The following EME2 variants were observed in gnomAD, a reference collection of about 807,000 sequenced individuals.
The protein encoded by EME2 is essential meiotic structure-specific endonuclease subunit 2, also known as structure-specific endonuclease subunit EME2.
A neutral mutation model predicts 41.9 loss-of-function variants in EME2; 58 were observed. The observed-to-expected ratio is 1.38, with a 90% CI of 1.12 to 1.72. The LOEUF (loss-of-function observed/expected upper bound fraction) is 1.72, where lower values mean the gene tolerates loss of function less well. Ranked by LOEUF, EME2 falls within the 40% of genes most tolerant of loss-of-function variation. The pLI is 0.00. For synonymous variants in EME2, 334 were observed against 239.3 expected (o/e 1.40, Z -3.65); for missense variants, 695 against 541.9 (o/e 1.28, Z -2.81).
In EME2 at chr16:1,775,804, C is replaced by G. The variant is rs372118667; in HGVS notation, c.787C>G (p.Arg263Gly). Residue 263 changes from arginine to glycine, a missense_variant, in exon 7 of 8, where the codon CGG becomes GGG. Coordinates refer to ENST00000568449, the MANE Select transcript of EME2 (RefSeq NM_001257370.2). ...ALAQYPLKQY[R>G]ESQAFSFCTA... ...GCTTCTCTCTGTCCCCAGGCAGTAC[C>G]GGGAATCCCAGGCCTTCTCCTTCTG... The G allele has an allele frequency of 9.9e-6, 16 of 1,612,370 alleles. No homozygotes were observed. Among genetic ancestry groups the G allele is most frequent in the Admixed American group, 1.7e-5 (1 of 59,994 alleles).
rs766487340 is a variant in EME2 at position 1,778,308 on chromosome 16, G to A, written c.*2070G>A. 1.9e-6 allele frequency: 3 copies of A among 1,612,344 alleles called. No individual in the cohort carries two copies. In the East Asian group the frequency reaches 6.7e-5, roughly 36 times the overall value. ...CTGATGACTTATTTAAGTCATCCCA[G>A]ACCCAGTCGAAATCTGCAAGAGAGG... is the stretch of plus-strand genomic sequence containing the variant. On this transcript the variant is annotated 3_prime_UTR_variant, in exon 8 of 8. Transcript: ENST00000568449.
chr16:1,778,164 CTT>C lies in EME2; in HGVS notation c.*1927_*1928del, dbSNP rs768381046. 2 of 1,612,776 alleles carry C rather than the reference CTT, an allele frequency of 1.2e-6. No individual in the cohort carries two copies. Among genetic ancestry groups the C allele is most frequent in the Non-Finnish European group, 1.7e-6 (2 of 1,179,762 alleles). On this transcript the variant is annotated 3_prime_UTR_variant, in exon 8 of 8. Coordinates refer to ENST00000568449, the MANE Select transcript of EME2 (RefSeq NM_001257370.2). ...CGGTGCCGTAGACGGGAGAGGTCAT[CTT>C]GATCTCCCAGAAGTGCTGGCCCTCC...
Position 1,773,397 on chromosome 16 carries a change from G to C in EME2, c.170G>C (p.Arg57Pro), listed in dbSNP as rs755072652. The C allele has an allele frequency of 6.4e-7, 1 of 1,561,566 alleles. No individual in the cohort carries two copies. The highest frequency in any genetic ancestry group is 8.6e-7 in the Non-Finnish European group (1 of 1,163,010). ...AGAGCCCGGGACCCAGCGGGTGAGC[G>C]CAGGGCGGCTGCCGAGGCGTTGCGG... ...AARARDPAGE[R>P]RAAAEALRLL... The change falls in exon 1 of 8, where the codon CGC (arginine) becomes CCC (proline). Residue 57 changes from arginine (R) to proline (P), a missense_variant. Coordinates refer to ENST00000568449, the MANE Select transcript of EME2 (RefSeq NM_001257370.2).
In EME2 at chr16:1,775,040, G is replaced by T. The variant is rs759904850; in HGVS notation, c.478-1G>T. The T allele has an allele frequency of 6.2e-7, 1 of 1,608,246 alleles. No homozygotes were observed. Among genetic ancestry groups the T allele is most frequent in the Non-Finnish European group, 8.5e-7 (1 of 1,179,278 alleles). On this transcript the variant is annotated splice_acceptor_variant, in intron 3 of 7. Transcript: ENST00000568449. LOFTEE classifies it high-confidence loss of function. Reference sequence around the variant, plus strand: ...ACTGTGCCACACGTTCTCATCTTCAGATCTCTGGCCCAACCCACTGGGTGC... The same window carrying T: ...ACTGTGCCACACGTTCTCATCTTCATATCTCTGGCCCAACCCACTGGGTGC...
chr16:1,777,177 C>T lies in EME2; in HGVS notation c.*939C>T, dbSNP rs376832134. On this transcript the variant is annotated 3_prime_UTR_variant, in exon 8 of 8. Coordinates refer to ENST00000568449, the MANE Select transcript of EME2 (RefSeq NM_001257370.2). ...TGGGCGGAGGTCGCTGCCTGGGGAT[C>T]GGACACTGGAGCCTTGCGGCGGCTG... The T allele has an allele frequency of 1.6e-5, 25 of 1,610,746 alleles. 1 individual carries two copies. The Admixed American group carries it at 1.7e-4, about 11-fold the overall frequency.
In EME2 at chr16:1,776,416, G is replaced by GGAA. The variant is rs1214383737; in HGVS notation, c.*178_*179insGAA. ...CAGGGGAAGTTTTAGGTAGCTGGGA[G>GGAA]AAGAGGGGCTTCTGGCTGGCAGATG... On this transcript the variant is annotated 3_prime_UTR_variant, in exon 8 of 8. Coordinates refer to ENST00000568449, the MANE Select transcript of EME2 (RefSeq NM_001257370.2). The GGAA allele has an allele frequency of 1.7e-5, 10 of 600,006 alleles. No homozygotes were observed. The East Asian group carries it at 2.6e-4, about 16-fold the overall frequency. The allele number at this position is 600,006 out of a possible 1,614,324, so 37.2% of individuals were successfully genotyped here. A position where few individuals can be genotyped will look rare whatever the true frequency, so the allele number is the denominator to read the frequency against.
Position 1,775,323 on chromosome 16 carries a change from AG to A in EME2, c.579del (p.Gln193HisfsTer51). 1.2e-6 allele frequency: 2 copies of A among 1,610,258 alleles called. No individual in the cohort carries two copies. Among genetic ancestry groups the A allele is most frequent in the Non-Finnish European group, 1.7e-6 (2 of 1,179,988 alleles). On this transcript the variant is annotated frameshift_variant, in exon 5 of 8. Coordinates refer to ENST00000568449, the MANE Select transcript of EME2 (RefSeq NM_001257370.2). LOFTEE classifies it high-confidence loss of function. ...IGLDAYLWSR[Q>X]HVSRGTQQPE... is the part of the protein sequence containing the mutation. ...TGGTCACCTCTGCTCAGGTCTCGCC[AG>A]CACGTTTCCCGGGGGACACAGCAGC...
Position 1,777,547 on chromosome 16 carries a change from A to C in EME2, c.*1309A>C. ...ACAGTCACCCGGGTGGGCAGCTGGC[A>C]CAGCTGAGGCAAGGCAGGGTGCACG... On this transcript the variant is annotated 3_prime_UTR_variant, in exon 8 of 8. Transcript: ENST00000568449. 1 of 1,364,294 alleles carries C rather than the reference A, an allele frequency of 7.3e-7. No homozygotes were observed. The highest frequency in any genetic ancestry group is 2.7e-5 in the Admixed American group (1 of 37,396). 84.5% of individuals were successfully genotyped at this position (1,364,294 alleles called of 1,614,324 possible). A position where few individuals can be genotyped will look rare whatever the true frequency, so the allele number is the denominator to read the frequency against.
Position 1,778,494 on chromosome 16 carries a change from CAGA to C in EME2, c.*2259_*2261del, listed in dbSNP as rs1567230395. The C allele has an allele frequency of 3.1e-6, 5 of 1,612,042 alleles. No individual in the cohort carries two copies. The highest frequency in any genetic ancestry group is 1.7e-5 in the Admixed American group (1 of 59,990). On this transcript the variant is annotated 3_prime_UTR_variant, in exon 8 of 8. Transcript: ENST00000568449. ...CCGGTGGGCCGAGTGCAGGCTGCTA[CAGA>C]AGGAGGCCTCGCTCTGCCCAGCACA...
chr16:1,779,069 C>G lies in EME2; in HGVS notation c.*2831C>G, dbSNP rs924086375. 6.3e-6 allele frequency: 1 copy of G among 159,742 alleles called. No homozygotes were observed. The highest frequency in any genetic ancestry group is 1.4e-5 in the Non-Finnish European group (1 of 73,416). The allele number at this position is 159,742 out of a possible 1,614,324, so 9.9% of individuals were successfully genotyped here. On this transcript the variant is annotated 3_prime_UTR_variant, in exon 8 of 8. Transcript: ENST00000568449. ...CCCAACGACCTTCCTGTTACCTGAGCAGACCTGGCTCACCACAGGGTCCTA... is the reference window on the plus strand; with the variant it reads ...CCCAACGACCTTCCTGTTACCTGAGGAGACCTGGCTCACCACAGGGTCCTA...
intron 1 of EME2, 58 bp from the exon 2 acceptor site, chr16:1,773,647 T>C: frequency 6.5e-7 from 1 of 1,545,530 alleles, no homozygotes; most frequent in Non-Finnish European, 8.7e-7. Context: ...CCCGCCCAGG[T>C]AGGGCGCTCG....
At chr16:1,773,525 C>T in intron 1 of EME2, 51 bp downstream of exon 1, 1 of 1,545,112 alleles carries the variant, frequency 6.5e-7, no homozygotes, top group Non-Finnish European at 8.7e-7. Flanking sequence ...CCTTTCTCCG[C>T]CAGGCGGCGC....
chr16:1,774,407 CG>C (rs769856487), intron 3 of EME2, 55 bp downstream of exon 3: 2 of 1,460,784 alleles, frequency 1.4e-6, no homozygotes, highest in East Asian at 4.6e-5. Flanking sequence ...GGTTCCCAGC[CG>C]GGAGGCGCCT....
In EME2 at chr16:1,776,874, C is replaced by T. The variant is rs2042720932; in HGVS notation, c.*636C>T. On this transcript the variant is annotated 3_prime_UTR_variant, in exon 8 of 8. Coordinates refer to ENST00000568449, the MANE Select transcript of EME2 (RefSeq NM_001257370.2). ...TCGTCCTCGCAGCCTCCCACAAGAC[C>T]TGGGGCTCAGGGCAGCCGCTTCCCC... The T allele has an allele frequency of 1.7e-6, 1 of 578,186 alleles. No individual in the cohort carries two copies. The highest frequency in any genetic ancestry group is 2.3e-5 in the South Asian group (1 of 42,804). The allele number at this position is 578,186 out of a possible 1,614,324, so 35.8% of individuals were successfully genotyped here.
chr16:1,773,925 C>T (rs971793389), intron 2 of EME2, 84 bp downstream of exon 2: 9 of 1,441,770 alleles, frequency 6.2e-6, no homozygotes, highest in East Asian at 2.5e-5. Flanking sequence ...GTCCCTGAGG[C>T]AGCTGCCCTG....
Position 1,781,574 on chromosome 16 carries a change from CCACT to C in EME2, c.*5339_*5342del, listed in dbSNP as rs1390760045. 4 of 1,507,098 alleles carry C rather than the reference CCACT, an allele frequency of 2.7e-6. No homozygotes were observed. Among genetic ancestry groups the C allele is most frequent in the Non-Finnish European group, 3.6e-6 (4 of 1,117,474 alleles). 93.4% of individuals were successfully genotyped at this position (1,507,098 alleles called of 1,614,324 possible). A position where few individuals can be genotyped will look rare whatever the true frequency, so the allele number is the denominator to read the frequency against. On this transcript the variant is annotated 3_prime_UTR_variant, in exon 8 of 8. Coordinates refer to ENST00000568449, the MANE Select transcript of EME2 (RefSeq NM_001257370.2). ...TGAGCTTCCAGGCTGGGCCACGGACCCACTCAAAGTGGGGACTGCAGGGGCCGCA... is the reference window on the plus strand; with the variant it reads ...TGAGCTTCCAGGCTGGGCCACGGACCCAAAGTGGGGACTGCAGGGGCCGCA...
rs971619548 is a variant in EME2 at position 1,781,307 on chromosome 16, G to A, written c.*5069G>A. 3 of 1,612,632 alleles carry A rather than the reference G, an allele frequency of 1.9e-6. No homozygotes were observed. Among genetic ancestry groups the A allele is most frequent in the African/African-American group, 1.3e-5 (1 of 75,030 alleles). On this transcript the variant is annotated 3_prime_UTR_variant, in exon 8 of 8. Transcript: ENST00000568449. ...GGTAATGTCTGCCTGCCTGCCTAGGGCATCTCCACACCTTAGGCCAGCCAC... is the reference window on the plus strand; with the variant it reads ...GGTAATGTCTGCCTGCCTGCCTAGGACATCTCCACACCTTAGGCCAGCCAC...
At position 1,773,003 on chromosome 16, in the gene EME2, C is replaced by G. The variant is rs916517837; in HGVS notation, c.-225C>G. On this transcript the variant is annotated 5_prime_UTR_variant, in exon 1 of 8. Coordinates refer to ENST00000568449, the MANE Select transcript of EME2 (RefSeq NM_001257370.2). The stretch of plus-strand genomic sequence containing the variant: ...GTCCAGAGAACGGCCGCGTCAAGGT[C>G]TCGTAGTCCACCGCGTAGAGCTGGG... 1.7e-5 allele frequency: 25 copies of G among 1,457,534 alleles called. No homozygotes were observed. The highest frequency in any genetic ancestry group is 1.8e-4 in the Middle Eastern group (1 of 5,628). 90.3% of individuals were successfully genotyped at this position (1,457,534 alleles called of 1,614,324 possible).
rs200958056 is a variant in EME2 at position 1,775,643 on chromosome 16, C to T, written c.738C>T (p.His246=). Residue 246 remains histidine (H), a synonymous_variant, in exon 6 of 8, where the codon CAC becomes CAT. Coordinates refer to ENST00000568449, the MANE Select transcript of EME2 (RefSeq NM_001257370.2). The part of the protein sequence containing the change: ...LVASWQELSR[H]VCAVTKALAQ... ...CCTCTTGGCAGGAGCTGAGTCGGCA[C>T]GTGTGCGCCGTTACCAAGGCTCTCG... The T allele has an allele frequency of 1.8e-3, 2,867 of 1,612,940 alleles. 65 individuals are homozygous for T. In the South Asian group the frequency reaches 0.029, roughly 17 times the overall value.
Sources: allele counts gnomAD v4.1 joint callset, GRCh38; gene constraint gnomAD v4.1.1; transcripts MANE v1.5; gene names NCBI Gene and HGNC (gene_info 2026-07-23, HGNC 2026-07-21).